CSMD2: variants seen among roughly 807,000 people sequenced by gnomAD.
The protein encoded by CSMD2 is CUB and Sushi multiple domains 2, also known as CUB and sushi domain-containing protein 2.
In CSMD2, 130 loss-of-function variants were observed where a neutral mutation model predicts 398.5. That is an observed-to-expected ratio of 0.33 (90% confidence interval 0.28 to 0.38). CSMD2 has a LOEUF of 0.38. CSMD2 is among the 10% of genes least tolerant of loss of function. CSMD2 has a pLI of 1.00. For synonymous variants in CSMD2, 1,828 were observed against 1,908.5 expected, an observed-to-expected ratio of 0.96 and a Z score of 1.10; for missense variants, 3,829 against 4,764.9, an observed-to-expected ratio of 0.80 and a Z score of 5.78.
At chr1:33,866,098 G>A (rs1015982207) in intron 5 of CSMD2, among the ~76,000 whole-genome samples, 11 of 152,094 alleles carry the variant, frequency 7.2e-5, no homozygotes, top group African/African-American at 1.9e-4. Flanking sequence ...ACTCTACTGC[G>A]CTGAACAGTA....
intron 6 of CSMD2, among the ~76,000 whole-genome samples, chr1:33,833,885 G>A (rs990250589): frequency 6.0e-5 from 9 of 150,970 alleles, no homozygotes; most frequent in African/African-American, 1.7e-4. Flanking sequence ...AATCATGAGT[G>A]AACTCCCATT....
intron 2 of CSMD2, among the ~76,000 whole-genome samples, chr1:34,085,602 G>A (rs111440539): frequency 2.6e-4 from 40 of 152,190 alleles, no homozygotes; most frequent in African/African-American, 9.1e-4. Context: ...AAAACAAGAT[G>A]GTGAGAGGAG....
chr1:33,912,424 C>T (rs2125267874), intron 5 of CSMD2, among the ~76,000 whole-genome samples: 1 of 150,152 alleles, frequency 6.7e-6, no homozygotes, highest in Non-Finnish European at 1.5e-5. Flanking sequence ...CCCCCACACA[C>T]ACTCCTGAGG....
chr1:33,622,028 G>C, intron 37 of CSMD2, 139 bp downstream of exon 37: 1 of 697,744 alleles, frequency 1.4e-6, no homozygotes, highest in South Asian at 1.7e-5. Context: ...CTGGGCTTTA[G>C]CATCTTCACC....
At chr1:33,567,496 T>TATATATATATA (rs61334036) in intron 53 of CSMD2, 97 bp downstream of exon 53, 429 of 933,254 alleles carry the variant, frequency 4.6e-4, no homozygotes, top group Non-Finnish European at 5.6e-4. Context: ...TATATATATA[T>TATATATATATA]TTAAAACAAA....
chr1:33,573,115 T>C (rs1173664103), intron 49 of CSMD2, among the ~76,000 whole-genome samples: 2 of 152,216 alleles, frequency 1.3e-5, no homozygotes, highest in African/African-American at 2.4e-5. Flanking sequence ...GAAAGCTCTT[T>C]TAATTCTAGG....
At chr1:33,737,979 A>T (rs1236452658) in intron 15 of CSMD2, among the ~76,000 whole-genome samples, 2 of 151,930 alleles carry the variant, frequency 1.3e-5, no homozygotes, top group Non-Finnish European at 2.9e-5. Flanking sequence ...AATTGCCAGG[A>T]TCCCAGCTTG....
intron 22 of CSMD2, among the ~76,000 whole-genome samples, chr1:33,703,619 T>C (rs191553511): frequency 6.6e-6 from 1 of 152,336 alleles, no homozygotes; most frequent in African/African-American, 2.4e-5. Context: ...TTACAAACAA[T>C]GTAAGCATAA....
At chr1:33,944,130 A>G (rs1217941229) in intron 3 of CSMD2, among the ~76,000 whole-genome samples, 3 of 152,168 alleles carry the variant, frequency 2.0e-5, no homozygotes, top group Non-Finnish European at 2.9e-5. Flanking sequence ...TTTAGTTATA[A>G]AAATAGCCAG....
intron 1 of CSMD2, among the ~76,000 whole-genome samples, chr1:34,108,600 T>A (rs936906592): frequency 6.6e-6 from 1 of 152,160 alleles, no homozygotes; most frequent in Admixed American, 6.5e-5. Context: ...TCTCCCATAA[T>A]TTCTGCACCA....
At chr1:33,690,666 G>A (rs1344173843) in intron 25 of CSMD2, among the ~76,000 whole-genome samples, 2 of 152,120 alleles carry the variant, frequency 1.3e-5, no homozygotes, top group East Asian at 1.9e-4. Context: ...TTATGTTCTC[G>A]ATCCACTCAT....
At chr1:34,008,528 T>C (rs1647134415) in intron 3 of CSMD2, among the ~76,000 whole-genome samples, 4 of 152,320 alleles carry the variant, frequency 2.6e-5, no homozygotes, top group African/African-American at 9.6e-5. Flanking sequence ...CTTGCGCCCA[T>C]CTGAAGGTGG....
chr1:34,080,783 A>C (rs762816177), intron 2 of CSMD2, among the ~76,000 whole-genome samples: 1 of 152,118 alleles, frequency 6.6e-6, no homozygotes, highest in African/African-American at 2.4e-5. Flanking sequence ...TAGCCTAAGG[A>C]AAGTGAGAGA....
chr1:34,074,435 T>C (rs935691434), intron 2 of CSMD2, among the ~76,000 whole-genome samples: 1 of 151,352 alleles, frequency 6.6e-6, no homozygotes, highest in Non-Finnish European at 1.5e-5. Flanking sequence ...CCAGCCAAAA[T>C]GAACCTACCC....
chr1:33,773,212 A>C lies in CSMD2; in HGVS notation c.1664-461T>G, dbSNP rs555589922. ...TAATGTCACGACAGATCTCAAGTACAGTCCATTTCTGAGCAGCAAAGGCAA... is the reference window on the plus strand; with the variant it reads ...TAATGTCACGACAGATCTCAAGTACCGTCCATTTCTGAGCAGCAAAGGCAA... On this transcript the variant is annotated intron_variant, in intron 12 of 70. Coordinates refer to ENST00000373381, the MANE Select transcript of CSMD2 (RefSeq NM_001281956.2). Among the ~76,000 whole-genome samples, 19 of 152,360 alleles carry C rather than the reference A, an allele frequency of 1.2e-4. No homozygotes were observed. The East Asian group carries it at 3.3e-3, about 26-fold the overall frequency.
intron 3 of CSMD2, among the ~76,000 whole-genome samples, chr1:33,971,476 T>A (rs4307533): frequency 0.25 from 38,526 of 152,276 alleles, 5,741 homozygotes; most frequent in Non-Finnish European, 0.34. Flanking sequence ...GTCTTTCCCC[T>A]GATCCTGGTT....
chr1:33,755,128 T>C (rs542981638), intron 13 of CSMD2, among the ~76,000 whole-genome samples: 1 of 152,168 alleles, frequency 6.6e-6, no homozygotes, highest in South Asian at 2.1e-4. Flanking sequence ...CAAGCAGAAG[T>C]GGCCCAATCA....
chr1:33,850,075 G>A (rs1000854501), intron 5 of CSMD2, among the ~76,000 whole-genome samples: 11 of 152,096 alleles, frequency 7.2e-5, no homozygotes, highest in African/African-American at 2.4e-4. Flanking sequence ...GGTCTTTGCA[G>A]TTGACATCCC....
chr1:34,138,252 T>C (rs953481422), intron 1 of CSMD2, among the ~76,000 whole-genome samples: 1 of 152,224 alleles, frequency 6.6e-6, no homozygotes, highest in Admixed American at 6.5e-5. Flanking sequence ...TTGAGGCATG[T>C]ACATTGTACT....
Sources: gnomAD v4.1 joint callset for allele counts (sites outside exome capture counted in the v4.1 genomes callset) on GRCh38, gnomAD v4.1.1 for gene constraint, MANE v1.5 for transcripts, NCBI Gene and HGNC (gene_info 2026-07-23, HGNC 2026-07-21) for gene names.